Variants in SKIC3 observed in about 807,000 individuals in gnomAD.
The protein encoded by SKIC3 is superkiller complex protein 3.
At chr5:95,521,365 T>C in the SKIC3 span, 1 of 153,162 alleles carries the variant, frequency 6.5e-6, no homozygotes, top group Non-Finnish European at 1.5e-5. Context: ...AATATACTAT[T>C]TATGTGCTCA....
chr5:95,547,893 A>T, the SKIC3 span, among the ~76,000 whole-genome samples: 3 of 152,084 alleles, frequency 2.0e-5, no homozygotes, highest in Non-Finnish European at 4.4e-5. Flanking sequence ...CACAATAAGG[A>T]TTACTGTAGG....
the SKIC3 span, chr5:95,540,746 A>G: frequency 3.7e-6 from 6 of 1,614,032 alleles, 1 homozygote; most frequent in Middle Eastern, 1.6e-4. Flanking sequence ...AACTGAGTCA[A>G]TTTTCTCCAT....
the SKIC3 span, chr5:95,520,872 A>C: frequency 7.9e-7 from 1 of 1,271,566 alleles, no homozygotes; most frequent in Non-Finnish European, 1.1e-6. Flanking sequence ...TAAACACTTA[A>C]AATGAACTTC....
chr5:95,487,786 A>G, the SKIC3 span, among the ~76,000 whole-genome samples: 1 of 152,186 alleles, frequency 6.6e-6, no homozygotes, highest in African/African-American at 2.4e-5. Context: ...AAAGCAAGGA[A>G]ATATGACACT....
chr5:95,525,819 T>C, the SKIC3 span: 1 of 735,772 alleles, frequency 1.4e-6, no homozygotes, highest in East Asian at 2.6e-5. Context: ...TAATAACACA[T>C]CTTCACTCTT....
At chr5:95,509,304 C>T in the SKIC3 span, among the ~76,000 whole-genome samples, 11 of 152,040 alleles carry the variant, frequency 7.2e-5, no homozygotes, top group East Asian at 3.9e-4. Context: ...AAGTTAGGCA[C>T]GCAGACACAC....
chr5:95,505,716 G>A, the SKIC3 span, among the ~76,000 whole-genome samples: 1 of 152,016 alleles, frequency 6.6e-6, no homozygotes, highest in Non-Finnish European at 1.5e-5. Context: ...GGGAGGCTGA[G>A]GCAGGAGAAT....
At chr5:95,526,314 G>C in the SKIC3 span, among the ~76,000 whole-genome samples, 1 of 151,530 alleles carries the variant, frequency 6.6e-6, no homozygotes, top group Non-Finnish European at 1.5e-5. Flanking sequence ...CAGTTTCTCA[G>C]AGTCTGGATT....
chr5:95,541,724 G>A, the SKIC3 span: 2 of 914,496 alleles, frequency 2.2e-6, no homozygotes, highest in Non-Finnish European at 3.3e-6. Flanking sequence ...GCAATTCCCA[G>A]TAAATGCTGG....
At chr5:95,476,123 C>T in the SKIC3 span, among the ~76,000 whole-genome samples, 1 of 152,190 alleles carries the variant, frequency 6.6e-6, no homozygotes, top group Admixed American at 6.5e-5. Flanking sequence ...GGAGGCATGC[C>T]CCACTCTTGT....
chr5:95,531,523 C>T, the SKIC3 span, among the ~76,000 whole-genome samples: 1 of 152,106 alleles, frequency 6.6e-6, no homozygotes, highest in African/African-American at 2.4e-5. Flanking sequence ...CTATACCCTC[C>T]CAAGAAAACT....
chr5:95,470,705 C>T, the SKIC3 span, among the ~76,000 whole-genome samples: 13 of 151,994 alleles, frequency 8.6e-5, no homozygotes, highest in African/African-American at 2.7e-4. Context: ...GTAATCAGTA[C>T]TAAAAACTTT....
At chr5:95,498,477 G>C in the SKIC3 span, 2 of 1,614,074 alleles carry the variant, frequency 1.2e-6, no homozygotes, top group Non-Finnish European at 1.7e-6. Flanking sequence ...CTTTGTGTTT[G>C]ATGTGCTTCA....
chr5:95,478,535 T>A, the SKIC3 span: 1 of 1,552,416 alleles, frequency 6.4e-7, no homozygotes, highest in Non-Finnish European at 8.8e-7. Context: ...AACTTTGTCG[T>A]AGTAAAAATG....
chr5:95,465,191 A>C, the SKIC3 span, among the ~76,000 whole-genome samples: 1 of 152,062 alleles, frequency 6.6e-6, no homozygotes, highest in African/African-American at 2.4e-5. Flanking sequence ...TGGTCTCCCA[A>C]AGTGCTGGGA....
At chr5:95,540,873 A>C in the SKIC3 span, 52 of 1,599,992 alleles carry the variant, frequency 3.3e-5, 1 homozygote, top group East Asian at 1.1e-3. Flanking sequence ...CCAAAATGTA[A>C]AAATGCCAAT....
the SKIC3 span, chr5:95,516,982 T>C: frequency 2.0e-5 from 32 of 1,613,360 alleles, no homozygotes; most frequent in Admixed American, 5.3e-4. Flanking sequence ...CTAGATGTTG[T>C]GCTTGGCGAT....
the SKIC3 span, chr5:95,542,003 T>C: frequency 1.3e-6 from 1 of 771,830 alleles, no homozygotes; most frequent in East Asian, 2.7e-5. Context: ...TCTATAAAGA[T>C]TATTTCTGAA....
the SKIC3 span, among the ~76,000 whole-genome samples, chr5:95,464,924 CTTTT>C: frequency 9.3e-6 from 1 of 106,986 alleles, no homozygotes; most frequent in Admixed American, 1.1e-4. Context: ...ATTCTGATTG[CTTTT>C]TTTTTTTTTT....
Sources: allele counts gnomAD v4.1 joint callset (sites outside exome capture counted in the v4.1 genomes callset), GRCh38; gene constraint gnomAD v4.1.1; transcripts MANE v1.5; gene names NCBI Gene and HGNC (gene_info 2026-07-23, HGNC 2026-07-21).